The following KCNMA1 variants were observed in gnomAD, a reference collection of about 807,000 sequenced individuals.
KCNMA1 encodes Calcium-activated potassium channel subunit alpha-1.
KCNMA1 carries 29 observed loss-of-function variants against 140.0 expected under a neutral mutation model. The ratio of observed to expected loss-of-function variants is 0.21; its 90% CI spans 0.15 to 0.28. KCNMA1 has a LOEUF of 0.28. KCNMA1 is among the 10% of genes least tolerant of loss of function. The pLI is 1.00. For missense variants in KCNMA1, 880 were observed against 1,602.2 expected (o/e 0.55, Z 7.70); for synonymous variants, 612 against 611.9 (o/e 1.00, Z 0.00).
chr10:77,601,657 C>A (rs1259254846), intron 1 of KCNMA1, among the ~76,000 whole-genome samples: 2 of 152,174 alleles, frequency 1.3e-5, no homozygotes, highest in African/African-American at 4.8e-5. Flanking sequence ...CTGGAGGCCA[C>A]AGTCCAATCC....
intron 5 of KCNMA1, among the ~76,000 whole-genome samples, chr10:77,141,958 G>A (rs1450874759): frequency 6.6e-6 from 1 of 152,208 alleles, no homozygotes; most frequent in Non-Finnish European, 1.5e-5. Context: ...CTGGGTATTT[G>A]CTGATTAACA....
chr10:77,385,085 T>C (rs543966366), intron 2 of KCNMA1, among the ~76,000 whole-genome samples: 316 of 152,338 alleles, frequency 2.1e-3, no homozygotes, highest in Non-Finnish European at 3.1e-3. Flanking sequence ...TCATACTCAA[T>C]GTGTTTATAC....
chr10:77,500,625 A>C (rs1603630099), intron 1 of KCNMA1, among the ~76,000 whole-genome samples: 1 of 152,244 alleles, frequency 6.6e-6, no homozygotes, highest in East Asian at 1.9e-4. Flanking sequence ...GTGAGTATCT[A>C]AAAGTCAATG....
intron 18 of KCNMA1, among the ~76,000 whole-genome samples, chr10:77,009,359 G>T (rs2090113417): frequency 6.6e-6 from 1 of 152,154 alleles, no homozygotes; most frequent in South Asian, 2.1e-4. Flanking sequence ...CTGGAACCAA[G>T]GTGGAAAAAT....
intron 1 of KCNMA1, among the ~76,000 whole-genome samples, chr10:77,474,126 G>C (rs141223636): frequency 3.3e-4 from 51 of 152,260 alleles, no homozygotes; most frequent in Non-Finnish European, 6.5e-4. Flanking sequence ...CTTCCAACAG[G>C]AAGACAGGGG....
At chr10:77,480,391 A>C (rs1469422321) in intron 1 of KCNMA1, among the ~76,000 whole-genome samples, 1 of 152,176 alleles carries the variant, frequency 6.6e-6, no homozygotes, top group Non-Finnish European at 1.5e-5. Flanking sequence ...CCCTGGTCTG[A>C]ACCAGCCACG....
intron 19 of KCNMA1, among the ~76,000 whole-genome samples, chr10:76,974,961 G>A (rs546714811): frequency 5.3e-5 from 8 of 152,208 alleles, no homozygotes; most frequent in East Asian, 1.9e-4. Flanking sequence ...ATTATATTCC[G>A]AGTCATCAAT....
Position 76,905,449 on chromosome 10 carries a change from G to T in KCNMA1, c.3147+4517C>A, listed in dbSNP as rs1243678554. Among the ~76,000 whole-genome samples, 7 of 152,192 alleles carry T rather than the reference G, an allele frequency of 4.6e-5. No homozygotes were observed. In the South Asian group the frequency reaches 1.0e-3, roughly 22 times the overall value. ...TCTGAAGTGTCTCATTCCAGACTTA[G>T]AACTTGGCCAGATGTGGTCTATTGT... On this transcript the variant is annotated intron_variant, in intron 25 of 27. Transcript: ENST00000286628.
Position 77,043,881 on chromosome 10 carries a change from G to A in KCNMA1, c.1750-4244C>T, listed in dbSNP as rs140041688. 8.9e-4 allele frequency among the ~76,000 whole-genome samples: 136 copies of A among 152,270 alleles called. 1 individual carries two copies. The Middle Eastern group carries it at 0.01, about 11-fold the overall frequency. On this transcript the variant is annotated intron_variant, in intron 14 of 27. Transcript: ENST00000286628. ...TCATCGTTTAACTGAGACAGTGTCC[G>A]TTTTGCAAGATAAAAAGAGTTCCGG... is the stretch of plus-strand genomic sequence containing the variant.
chr10:77,081,837 A>C (rs2096574380), intron 12 of KCNMA1, among the ~76,000 whole-genome samples: 1 of 151,982 alleles, frequency 6.6e-6, no homozygotes, highest in Non-Finnish European at 1.5e-5. Context: ...AAGGAGGCAG[A>C]TTGGTCTCAT....
In KCNMA1 at chr10:77,554,612, A is replaced by G. The variant is rs1387979141; in HGVS notation, c.378+82653T>C. 5.2e-3 allele frequency among the ~76,000 whole-genome samples: 780 copies of G among 150,458 alleles called. 8 individuals carry two copies. The highest frequency in any genetic ancestry group is 0.017 in the African/African-American group (684 of 40,578). ...TACTCCATCTCAAAAAAAAAAAAAA[A>G]AAAAAAGAAAGAAAGAAAAGAAAAG... On this transcript the variant is annotated intron_variant, in intron 1 of 27. Transcript: ENST00000286628.
intron 2 of KCNMA1, among the ~76,000 whole-genome samples, chr10:77,298,566 C>T (rs1162453952): frequency 6.6e-6 from 1 of 151,994 alleles, no homozygotes; most frequent in Non-Finnish European, 1.5e-5. Flanking sequence ...AAATGGATGT[C>T]TGGGCTGCAC....
chr10:77,046,622 A>T (rs1422682695), intron 14 of KCNMA1, among the ~76,000 whole-genome samples: 1 of 152,174 alleles, frequency 6.6e-6, no homozygotes, highest in Non-Finnish European at 1.5e-5. Flanking sequence ...TATTAAGAAG[A>T]CTTCATCATG....
intron 25 of KCNMA1, among the ~76,000 whole-genome samples, chr10:76,897,564 T>A (rs149370497): frequency 3.9e-5 from 6 of 152,230 alleles, no homozygotes; most frequent in African/African-American, 9.6e-5. Flanking sequence ...TTTGCGTACA[T>A]AAGCATTTAT....
chr10:77,322,812 T>C (rs765808411), intron 2 of KCNMA1, among the ~76,000 whole-genome samples: 2 of 152,180 alleles, frequency 1.3e-5, no homozygotes, highest in African/African-American at 2.4e-5. Flanking sequence ...AAATACTCTA[T>C]GCTAGAGCCT....
chr10:77,475,853 G>A (rs2098266742), intron 1 of KCNMA1, among the ~76,000 whole-genome samples: 2 of 152,186 alleles, frequency 1.3e-5, no homozygotes, highest in Non-Finnish European at 2.9e-5. Context: ...GGAAACTGAG[G>A]TCTAAAGATC....
At chr10:77,518,868 G>C (rs1411291651) in intron 1 of KCNMA1, among the ~76,000 whole-genome samples, 1 of 152,192 alleles carries the variant, frequency 6.6e-6, no homozygotes, top group Non-Finnish European at 1.5e-5. Flanking sequence ...AAGATAGTGG[G>C]AAGCCGCCTG....
chr10:77,044,250 G>A (rs1485183124), intron 14 of KCNMA1, among the ~76,000 whole-genome samples: 1 of 151,804 alleles, frequency 6.6e-6, no homozygotes, highest in Admixed American at 6.6e-5. Flanking sequence ...CTTCTATCAA[G>A]GTAACTTTTC....
intron 1 of KCNMA1, among the ~76,000 whole-genome samples, chr10:77,434,491 G>C (rs916856928): frequency 5.9e-5 from 9 of 152,200 alleles, no homozygotes; most frequent in African/African-American, 2.2e-4. Flanking sequence ...TCCTAAGCGA[G>C]AGGCTCCCCT....
Sources: gnomAD v4.1 joint callset for allele counts (sites outside exome capture counted in the v4.1 genomes callset) on GRCh38, gnomAD v4.1.1 for gene constraint, MANE v1.5 for transcripts, NCBI Gene and HGNC (gene_info 2026-07-23, HGNC 2026-07-21) for gene names.